EIF4ENIF1: variants seen among roughly 807,000 people sequenced by gnomAD.
EIF4ENIF1 encodes eukaryotic translation initiation factor 4E transporter.
EIF4ENIF1 carries 23 observed loss-of-function variants against 110.5 expected under a neutral mutation model. The ratio of observed to expected loss-of-function variants is 0.21; its 90% CI spans 0.15 to 0.29. The LOEUF is 0.29. Ranked by LOEUF, EIF4ENIF1 falls within the 10% of genes least tolerant of loss-of-function variation. The pLI is 1.00. For synonymous variants in EIF4ENIF1, 440 were observed against 437.0 expected (o/e 1.01, Z -0.09); for missense variants, 1,031 against 1,221.1 (o/e 0.84, Z 2.32).
At chr22:31,466,626 G>A (rs1262002837) in intron 4 of EIF4ENIF1, among the ~76,000 whole-genome samples, 1 of 131,004 alleles carries the variant, frequency 7.6e-6, no homozygotes, top group Non-Finnish European at 1.6e-5. Flanking sequence ...GCTTGCTTGG[G>A]AAGGGGGAAG....
At position 31,454,285 on chromosome 22, in the gene EIF4ENIF1, G is replaced by C. The variant is rs1403597863; in HGVS notation, c.1371C>G (p.Phe457Leu). Residue 457 changes from phenylalanine to leucine, a missense_variant, in exon 10 of 19, where the codon TTC becomes TTG. Phe to Leu is a conservative substitution (Grantham distance 22). Around this residue, in one of 3 missense-constraint regions of EIF4ENIF1, gnomAD observed 704 missense variants for 879.7 expected, o/e 0.80. Transcript: ENST00000330125. ...AGGTCTCTTCTAGGTGTTCTGCCAT[G>C]AAGGGAGTTGAATTCTTCACTTGCT... ...VDQQVKNSTP[F>L]MAEHLEETLS... is the part of the protein sequence containing the mutation. 1 of 1,614,124 alleles carries C rather than the reference G, an allele frequency of 6.2e-7. No individual in the cohort carries two copies. Among genetic ancestry groups the C allele is most frequent in the Admixed American group, 1.7e-5 (1 of 59,998 alleles).
At chr22:31,475,543 G>A (rs2051539623) in intron 2 of EIF4ENIF1, among the ~76,000 whole-genome samples, 2 of 152,090 alleles carry the variant, frequency 1.3e-5, no homozygotes, top group Non-Finnish European at 2.9e-5. Flanking sequence ...CTTGAGGCCA[G>A]GAGTTTGAGA....
intron 2 of EIF4ENIF1, among the ~76,000 whole-genome samples, chr22:31,477,643 T>C (rs912516136): frequency 1.2e-4 from 19 of 152,212 alleles, no homozygotes; most frequent in Admixed American, 7.9e-4. Flanking sequence ...GAAGGCAGAG[T>C]AGCAAGCTAG....
In EIF4ENIF1 at chr22:31,455,845, AT is replaced by A. The variant is rs765405634; in HGVS notation, c.1099+6del. On this transcript the variant is annotated splice_donor_region_variant and intron_variant, in intron 8 of 18. Transcript: ENST00000330125. ...ACCTTCAAGGGCAGAATCTGAAGCC[AT>A]TTTACCTGCAAGTCTCTCTAGCTCT... 11 of 1,613,552 alleles carry A rather than the reference AT, an allele frequency of 6.8e-6. No homozygotes were observed. Among genetic ancestry groups the A allele is most frequent in the Non-Finnish European group, 9.3e-6 (11 of 1,179,822 alleles).
intron 7 of EIF4ENIF1, 39 bp from the exon 8 acceptor site, chr22:31,456,026 G>A (rs1451520756): frequency 6.2e-7 from 1 of 1,601,310 alleles, no homozygotes; most frequent in Non-Finnish European, 8.5e-7. Context: ...GTTTCTAGAT[G>A]AAAAAGGACA....
At position 31,471,890 on chromosome 22, in the gene EIF4ENIF1, G is replaced by T. The variant is rs1329540073; in HGVS notation, c.124C>A (p.Pro42Thr). 6.2e-7 allele frequency: 1 copy of T among 1,603,874 alleles called. No homozygotes were observed. The highest frequency in any genetic ancestry group is 1.1e-5 in the South Asian group (1 of 88,348). ...KEELLDIKEL[P>T]HSKQRPSCLS... The stretch of plus-strand genomic sequence containing the variant: ...CATGAAGGCCTCTGTTTGGAATGGG[G>T]GAGTTCTTTTATATCCAAGAGTTCT... The change falls in exon 3 of 19, where the codon CCC becomes ACC. Residue 42 changes from proline to threonine, a missense_variant. This residue lies in a region of EIF4ENIF1 where 704 missense variants were observed against 879.7 expected (regional missense o/e 0.80). Coordinates refer to ENST00000330125, the MANE Select transcript of EIF4ENIF1 (RefSeq NM_019843.4).
chr22:31,493,501 T>A (rs1339912379), upstream of EIF4ENIF1, among the ~76,000 whole-genome samples: 1 of 152,112 alleles, frequency 6.6e-6, no homozygotes, highest in Non-Finnish European at 1.5e-5. Flanking sequence ...AACTTTTGTA[T>A]TTTTAGTAGA....
At chr22:31,467,006 G>A (rs535810199) in intron 4 of EIF4ENIF1, among the ~76,000 whole-genome samples, 2 of 152,254 alleles carry the variant, frequency 1.3e-5, no homozygotes, top group African/African-American at 4.8e-5. Flanking sequence ...ATACAATATG[G>A]AGAGTTTTCT....
intron 2 of EIF4ENIF1, among the ~76,000 whole-genome samples, chr22:31,486,849 G>C (rs1338150565): frequency 6.6e-6 from 1 of 152,128 alleles, no homozygotes; most frequent in Non-Finnish European, 1.5e-5. Context: ...GGGAGGCCAA[G>C]GCGGGCAGAT....
At chr22:31,457,126 T>G (rs17821132) in intron 7 of EIF4ENIF1, among the ~76,000 whole-genome samples, 4,070 of 152,264 alleles carry the variant, frequency 0.027, 156 homozygotes, top group Admixed American at 0.079. Flanking sequence ...CAAGTCAAAG[T>G]TTAGAAAAAG....
intron 12 of EIF4ENIF1, among the ~76,000 whole-genome samples, chr22:31,448,831 T>A (rs905591951): frequency 6.6e-6 from 1 of 152,084 alleles, no homozygotes; most frequent in Non-Finnish European, 1.5e-5. Flanking sequence ...TTCTACTATA[T>A]CAAAGAAAAA....
At chr22:31,488,314 T>C (rs930938813) in intron 2 of EIF4ENIF1, among the ~76,000 whole-genome samples, 5 of 152,172 alleles carry the variant, frequency 3.3e-5, no homozygotes, top group African/African-American at 1.2e-4. Context: ...GTACAGTATG[T>C]AAATCAATAA....
At chr22:31,445,435 C>A (rs1221546495) in intron 14 of EIF4ENIF1, among the ~76,000 whole-genome samples, 1 of 152,206 alleles carries the variant, frequency 6.6e-6, no homozygotes, top group Admixed American at 6.5e-5. Flanking sequence ...AACCTAAATT[C>A]ATGGCTTCTT....
chr22:31,459,776 T>C (rs1429328860), intron 6 of EIF4ENIF1, among the ~76,000 whole-genome samples: 2 of 152,246 alleles, frequency 1.3e-5, no homozygotes, highest in African/African-American at 4.8e-5. Flanking sequence ...TTTAAATACA[T>C]AGCAAGGGCA....
chr22:31,437,603 T>G (rs2050191442), downstream of EIF4ENIF1: 1 of 152,176 alleles, frequency 6.6e-6, no homozygotes, highest in Admixed American at 6.6e-5. Flanking sequence ...GCTTTGCTCT[T>G]TGCATGGTAC....
intron 2 of EIF4ENIF1, among the ~76,000 whole-genome samples, chr22:31,481,185 CAG>C (rs68034056): frequency 0.083 from 12,613 of 152,136 alleles, 886 homozygotes; most frequent in East Asian, 0.37. Flanking sequence ...TCCTTTGAGA[CAG>C]AGTCTCACTC....
intron 17 of EIF4ENIF1, among the ~76,000 whole-genome samples, 186 bp from the exon 18 acceptor site, chr22:31,441,054 A>G (rs966763079): frequency 1.3e-5 from 2 of 152,128 alleles, no homozygotes; most frequent in African/African-American, 4.8e-5. Context: ...CAGGAGTTCG[A>G]GACCAGTATG....
intron 3 of EIF4ENIF1, among the ~76,000 whole-genome samples, chr22:31,471,317 C>CTTT (rs58233170): frequency 1.5e-4 from 21 of 140,678 alleles, no homozygotes; most frequent in East Asian, 4.2e-4. Flanking sequence ...GGGTTCAAGT[C>CTTT]TTTTTTTTTT....
chr22:31,452,548 A>G (rs2050705108), intron 10 of EIF4ENIF1, among the ~76,000 whole-genome samples: 1 of 152,232 alleles, frequency 6.6e-6, no homozygotes, highest in African/African-American at 2.4e-5. Flanking sequence ...TAAAATGTGG[A>G]AAAACATCAG....
Sources: allele counts gnomAD v4.1 joint callset (sites outside exome capture counted in the v4.1 genomes callset), GRCh38; gene constraint gnomAD v4.1.1; regional missense constraint gnomAD v4.1.1; transcripts MANE v1.5; gene names NCBI Gene and HGNC (gene_info 2026-07-23, HGNC 2026-07-21).